Variants in OCLN observed in about 807,000 individuals in gnomAD.
OCLN encodes occludin.
Under a neutral mutation model 47.9 loss-of-function variants are expected in OCLN, and 21 were observed. The ratio of observed to expected loss-of-function variants is 0.44; its 90% CI spans 0.31 to 0.63. OCLN has a LOEUF of 0.63. OCLN is among the 30% of genes least tolerant of loss of function. The probability of loss-of-function intolerance (pLI) is 0.08; values close to 1 mark genes in which losing one functional copy is unlikely to be tolerated. For missense variants in OCLN, 360 were observed against 571.0 expected (o/e 0.63, Z 3.77); for synonymous variants, 117 against 198.4 (o/e 0.59, Z 3.45).
chr5:69,517,311 TATA>T (rs1190757265), intron 4 of OCLN, among the ~76,000 whole-genome samples: 63 of 89,710 alleles, frequency 7.0e-4, no homozygotes, highest in African/African-American at 2.1e-3. Flanking sequence ...TATATATATA[TATA>T]TTTTTTTTTT....
At chr5:69,518,648 A>G (rs1769043222) in intron 4 of OCLN, among the ~76,000 whole-genome samples, 1 of 152,224 alleles carries the variant, frequency 6.6e-6, no homozygotes, top group Admixed American at 6.5e-5. Flanking sequence ...GAATTGTGTC[A>G]TCCTGCATCT....
rs201377668 is a variant in OCLN, at chr5:69,533,106, C to T, written c.892-1588C>T. ...ATATATATACACACACACACACACA[C>T]ACATATATATATACACACACACACA... is the stretch of plus-strand genomic sequence containing the variant. On this transcript the variant is annotated intron_variant, in intron 4 of 8. Transcript: ENST00000396442. Among the ~76,000 whole-genome samples, 431 of 139,656 alleles carry T rather than the reference C, an allele frequency of 3.1e-3. 3 individuals are homozygous for T. The highest frequency in any genetic ancestry group is 7.3e-3 in the African/African-American group (239 of 32,754). The allele number at this position is 139,656 out of a possible 152,430, so 91.6% of individuals were successfully genotyped here.
chr5:69,499,581 G>T (rs1364372227), intron 1 of OCLN, among the ~76,000 whole-genome samples: 1 of 151,526 alleles, frequency 6.6e-6, no homozygotes, highest in East Asian at 1.9e-4. Flanking sequence ...TTTTCTTGTG[G>T]TTTTTTTCTT....
intron 5 of OCLN, among the ~76,000 whole-genome samples, chr5:69,537,998 C>T (rs1445725861): frequency 1.5e-5 from 1 of 66,164 alleles, no homozygotes; most frequent in Non-Finnish European, 3.0e-5. Context: ...CTTTTTTTTC[C>T]TGTTTCAACT....
rs540047769 is a variant in OCLN at position 69,519,234 on chromosome 5, T to C, written c.891+5125T>C. 4.6e-5 allele frequency among the ~76,000 whole-genome samples: 7 copies of C among 152,354 alleles called. No homozygotes were observed. In the South Asian group the frequency reaches 1.2e-3, roughly 27 times the overall value. On this transcript the variant is annotated intron_variant, in intron 4 of 8. Transcript: ENST00000396442. ...TTGGGGTCGGTCTAGAATTTTATTA[T>C]GTTACTAAATCTTACTGACTTCCTT...
intron 6 of OCLN, among the ~76,000 whole-genome samples, chr5:69,547,070 C>T (rs1769730207): frequency 6.7e-6 from 1 of 149,460 alleles, no homozygotes; most frequent in South Asian, 2.1e-4. Flanking sequence ...TAACAGTGAG[C>T]ACATGTTTTT....
In OCLN at chr5:69,514,091, C is replaced by G. The variant is rs763245222; in HGVS notation, c.873C>G (p.Pro291=). The G allele has an allele frequency of 6.2e-7, 1 of 1,614,046 alleles. No homozygotes were observed. The change falls in exon 4 of 9, where the codon CCC becomes CCG. Residue 291 remains proline, a synonymous_variant. Transcript: ENST00000396442. ...AGGAACACATTTATGATGAGCAGCC[C>G]CCCAATGTCGAGGAGTGGGTAAGTG... ...WDKEHIYDEQ[P]PNVEEWVKNV... is the part of the protein sequence containing the mutation.
chr5:69,548,357 A>G (rs1769765131), intron 7 of OCLN, among the ~76,000 whole-genome samples: 1 of 145,140 alleles, frequency 6.9e-6, no homozygotes, highest in Non-Finnish European at 1.5e-5. Context: ...TCTGTTGCCC[A>G]GGCTGGAGTG....
At chr5:69,517,180 T>G (rs1309164055) in intron 4 of OCLN, among the ~76,000 whole-genome samples, 2 of 152,122 alleles carry the variant, frequency 1.3e-5, no homozygotes, top group East Asian at 1.9e-4. Flanking sequence ...CAGATTGATT[T>G]ATTGTCATGA....
At chr5:69,523,085 A>G (rs769131693) in intron 4 of OCLN, among the ~76,000 whole-genome samples, 18 of 151,994 alleles carry the variant, frequency 1.2e-4, no homozygotes, top group Non-Finnish European at 2.2e-4. Flanking sequence ...TGTCACCACT[A>G]ATGGACCAAT....
intron 1 of OCLN, among the ~76,000 whole-genome samples, chr5:69,498,164 C>T (rs1036719463): frequency 2.6e-5 from 4 of 151,658 alleles, no homozygotes; most frequent in Non-Finnish European, 4.4e-5. Flanking sequence ...TAAATTAGTT[C>T]TCCTCTATAC....
intron 1 of OCLN, among the ~76,000 whole-genome samples, chr5:69,502,884 C>A (rs973381503): frequency 2.0e-5 from 3 of 152,144 alleles, no homozygotes; most frequent in South Asian, 2.1e-4. Context: ...GATGTGCACT[C>A]CCCACAAAAA....
rs980087742 is a variant in OCLN at position 69,509,334 on chromosome 5, T to C, written c.244T>C (p.Cys82Arg). ...TGTGATGTGCATTGCCATCTTTGCC[T>C]GTGTGGCCTCCACGCTTGCCTGGGA... is the stretch of plus-strand genomic sequence containing the variant. ...IIVMCIAIFA[C>R]VASTLAWDRG... The change falls in exon 3 of 9, where the codon TGT becomes CGT. Residue 82 changes from cysteine to arginine, a missense_variant. Physicochemically the swap from Cys to Arg is radical, Grantham distance 180. Coordinates refer to ENST00000396442, the MANE Select transcript of OCLN (RefSeq NM_001205254.2). The C allele has an allele frequency of 1.2e-6, 2 of 1,614,124 alleles. No homozygotes were observed. Among genetic ancestry groups the C allele is most frequent in the African/African-American group, 1.3e-5 (1 of 74,958 alleles).
At chr5:69,524,583 G>A (rs1769226918) in intron 4 of OCLN, among the ~76,000 whole-genome samples, 1 of 152,212 alleles carries the variant, frequency 6.6e-6, no homozygotes, top group Admixed American at 6.5e-5. Flanking sequence ...TGTCGCCATT[G>A]TCTGGTCCTC....
chr5:69,532,869 G>A (rs1363838644), intron 4 of OCLN, among the ~76,000 whole-genome samples: 1 of 151,922 alleles, frequency 6.6e-6, no homozygotes, highest in Non-Finnish European at 1.5e-5. Flanking sequence ...TCGGGAGGCT[G>A]AGGCAGGAGA....
rs758602738 is a variant in OCLN at position 69,504,220 on chromosome 5, A to AG, written c.-25_-24insG. The AG allele has an allele frequency of 2.2e-4, 347 of 1,581,886 alleles. No homozygotes were observed. Among genetic ancestry groups the AG allele is most frequent in the Non-Finnish European group, 2.8e-4 (317 of 1,150,724 alleles). ...CTAAAGGGCATTGCTCATCCTGAAG[A>AG]TCAGCTGACCATTGACAATCAGCCA... On this transcript the variant is annotated 5_prime_UTR_variant, in exon 2 of 9. Coordinates refer to ENST00000396442, the MANE Select transcript of OCLN (RefSeq NM_001205254.2).
At chr5:69,536,891 C>A (rs1769603548) in intron 5 of OCLN, among the ~76,000 whole-genome samples, 1 of 151,518 alleles carries the variant, frequency 6.6e-6, no homozygotes, top group South Asian at 2.1e-4. Context: ...TGGCGTGAAC[C>A]CGGGAGGTGG....
chr5:69,503,001 AC>A (rs1288386307), intron 1 of OCLN, among the ~76,000 whole-genome samples: 1 of 152,190 alleles, frequency 6.6e-6, no homozygotes, highest in Non-Finnish European at 1.5e-5. Context: ...CATCCATATA[AC>A]CTTGAGCATA....
At chr5:69,523,682 T>C (rs926104053) in intron 4 of OCLN, among the ~76,000 whole-genome samples, 1 of 152,008 alleles carries the variant, frequency 6.6e-6, no homozygotes, top group Non-Finnish European at 1.5e-5. Flanking sequence ...ATTACAGGCA[T>C]GTGTCACCAC....
Sources: allele counts gnomAD v4.1 joint callset (sites outside exome capture counted in the v4.1 genomes callset), GRCh38; gene constraint gnomAD v4.1.1; transcripts MANE v1.5; gene names NCBI Gene and HGNC (gene_info 2026-07-23, HGNC 2026-07-21).